Variants in RAD51B observed in about 807,000 individuals in gnomAD.
RAD51B encodes the protein DNA repair protein RAD51 homolog 2.
A neutral mutation model predicts 42.2 loss-of-function variants in RAD51B; 38 were observed. The ratio of observed to expected loss-of-function variants is 0.90; its 90% CI spans 0.70 to 1.18. The LOEUF is 1.18. RAD51B is among the 50% of genes most tolerant of loss of function. The pLI, the probability that RAD51B is intolerant of heterozygous loss-of-function variation, is 0.00. For missense variants in RAD51B, 373 were observed against 400.7 expected, an observed-to-expected ratio of 0.93 and a Z score of 0.59; for synonymous variants, 154 against 145.2, an observed-to-expected ratio of 1.06 and a Z score of -0.43.
intron 11 of RAD51B, among the ~76,000 whole-genome samples, chr14:68,652,682 T>C (rs1056080014): frequency 6.6e-6 from 1 of 152,240 alleles, no homozygotes; most frequent in Non-Finnish European, 1.5e-5. Flanking sequence ...GAAAATATGT[T>C]AGGACACCCT....
chr14:68,009,450 G>A (rs1390917218), intron 7 of RAD51B, among the ~76,000 whole-genome samples: 5 of 151,694 alleles, frequency 3.3e-5, no homozygotes, highest in Admixed American at 6.6e-5. Context: ...TTTCTTCATG[G>A]AAGTTTTCAC....
intron 7 of RAD51B, among the ~76,000 whole-genome samples, chr14:68,158,998 A>T (rs551148952): frequency 3.3e-5 from 5 of 149,506 alleles, no homozygotes; most frequent in African/African-American, 7.3e-5. Flanking sequence ...AGATTTGGTT[A>T]TTTTTTTTTT....
At chr14:68,607,568 C>T (rs185817029) in intron 10 of RAD51B, among the ~76,000 whole-genome samples, 3 of 152,304 alleles carry the variant, frequency 2.0e-5, no homozygotes, top group African/African-American at 7.2e-5. Flanking sequence ...GAGCTTCTGC[C>T]GAGCTTAAGT....
At chr14:68,450,466 G>C (rs1390184203) in intron 9 of RAD51B, among the ~76,000 whole-genome samples, 3 of 152,108 alleles carry the variant, frequency 2.0e-5, no homozygotes, top group Non-Finnish European at 4.4e-5. Context: ...TGATCCACCC[G>C]CCTTGGCCGC....
intron 9 of RAD51B, among the ~76,000 whole-genome samples, chr14:68,435,950 A>G (rs910594986): frequency 1.8e-4 from 28 of 152,100 alleles, no homozygotes; most frequent in Admixed American, 1.5e-3. Flanking sequence ...CATAGTTTGT[A>G]AATATTTTCT....
At position 68,411,483 on chromosome 14, in the gene RAD51B, A is replaced by C. The variant is rs368700363; in HGVS notation, c.913A>C (p.Asn305His). 7 of 1,614,060 alleles carry C rather than the reference A, an allele frequency of 4.3e-6. No homozygotes were observed. Among genetic ancestry groups the C allele is most frequent in the Non-Finnish European group, 5.9e-6 (7 of 1,180,014 alleles). ...ALGNTWSHSVNTRLILQYLDS... is the reference protein window; with the variant it reads ...ALGNTWSHSVHTRLILQYLDS... ...AGGAAATACCTGGAGTCACAGTGTGAATACCCGGCTGATCCTCCAGTACCT... is the reference window on the plus strand; with the variant it reads ...AGGAAATACCTGGAGTCACAGTGTGCATACCCGGCTGATCCTCCAGTACCT... Residue 305 changes from asparagine (N) to histidine (H), a missense_variant, in exon 9 of 11, where the codon AAT (asparagine) becomes CAT (histidine). Physicochemically the swap from Asn to His is moderately conservative, Grantham distance 68. Transcript: ENST00000471583.
intron 10 of RAD51B, among the ~76,000 whole-genome samples, chr14:68,607,088 G>C (rs1357929426): frequency 6.6e-6 from 1 of 152,172 alleles, no homozygotes; most frequent in African/African-American, 2.4e-5. Context: ...CACACTTCTA[G>C]GTGAGGCACA....
intron 5 of RAD51B, among the ~76,000 whole-genome samples, chr14:67,879,162 C>G (rs1392340563): frequency 6.6e-6 from 1 of 152,176 alleles, no homozygotes; most frequent in Admixed American, 6.5e-5. Flanking sequence ...AAAGGGCAGG[C>G]TAGAACTCTC....
intron 8 of RAD51B, among the ~76,000 whole-genome samples, chr14:68,340,122 C>G (rs1470384779): frequency 6.6e-6 from 1 of 152,196 alleles, no homozygotes; most frequent in Non-Finnish European, 1.5e-5. Context: ...TCAGAAATAA[C>G]TTCAAGGTGT....
chr14:68,458,559 A>G (rs2085762342), intron 9 of RAD51B, among the ~76,000 whole-genome samples: 1 of 152,042 alleles, frequency 6.6e-6, no homozygotes, highest in Admixed American at 6.5e-5. Flanking sequence ...TTTGAAAACA[A>G]TCACCAGAGA....
chr14:68,087,358 G>A (rs1043928674), intron 7 of RAD51B, among the ~76,000 whole-genome samples: 1 of 151,972 alleles, frequency 6.6e-6, no homozygotes, highest in Admixed American at 6.6e-5. Context: ...AGACCCTCTG[G>A]AGACTTTTCC....
At chr14:68,367,749 C>G (rs907592239) in intron 8 of RAD51B, among the ~76,000 whole-genome samples, 2 of 152,160 alleles carry the variant, frequency 1.3e-5, no homozygotes, top group African/African-American at 4.8e-5. Flanking sequence ...TAGGCTAACA[C>G]TGTTATTCGT....
At chr14:68,633,990 T>G (rs1892291398) in intron 10 of RAD51B, among the ~76,000 whole-genome samples, 1 of 152,204 alleles carries the variant, frequency 6.6e-6, no homozygotes, top group South Asian at 2.1e-4. Context: ...GTCTTCCAGT[T>G]GCTTGTCACT....
chr14:68,630,321 G>A (rs1028451551), intron 10 of RAD51B, among the ~76,000 whole-genome samples: 7 of 152,098 alleles, frequency 4.6e-5, no homozygotes, highest in Admixed American at 1.3e-4. Context: ...CCACTCTGTT[G>A]GCCAGTGAAC....
intron 8 of RAD51B, among the ~76,000 whole-genome samples, chr14:68,369,662 C>T (rs2083212645): frequency 6.6e-6 from 1 of 152,168 alleles, no homozygotes; most frequent in South Asian, 2.1e-4. Context: ...ATCGATACTT[C>T]ATATGTTATG....
At chr14:67,928,426 G>T (rs1161039555) in intron 7 of RAD51B, among the ~76,000 whole-genome samples, 2 of 151,996 alleles carry the variant, frequency 1.3e-5, no homozygotes, top group Non-Finnish European at 2.9e-5. Flanking sequence ...TGGCAAAGTA[G>T]TTAGTTATAT....
chr14:68,550,361 G>T (rs180767012), intron 10 of RAD51B, among the ~76,000 whole-genome samples: 1 of 152,320 alleles, frequency 6.6e-6, no homozygotes, highest in Non-Finnish European at 1.5e-5. Context: ...AATCTTTCAT[G>T]CTAAAGATGC....
intron 10 of RAD51B, among the ~76,000 whole-genome samples, chr14:68,544,971 G>A (rs1888145106): frequency 6.6e-6 from 1 of 152,214 alleles, no homozygotes. Context: ...GAGTTCCAGG[G>A]ATGGGATGTG....
At chr14:68,046,457 A>G (rs936166213) in intron 7 of RAD51B, among the ~76,000 whole-genome samples, 2 of 152,218 alleles carry the variant, frequency 1.3e-5, no homozygotes, top group Non-Finnish European at 2.9e-5. Flanking sequence ...GTGATTGTCT[A>G]GCTGGACATG....
Sources: gnomAD v4.1 joint callset for allele counts (sites outside exome capture counted in the v4.1 genomes callset) on GRCh38, gnomAD v4.1.1 for gene constraint, MANE v1.5 for transcripts, NCBI Gene and HGNC (gene_info 2026-07-23, HGNC 2026-07-21) for gene names.